IL9R: variants seen among roughly 807,000 people sequenced by gnomAD.
The protein encoded by IL9R is interleukin 9 receptor, also known as interleukin-9 receptor.
In IL9R, 54 loss-of-function variants were observed where a neutral mutation model predicts 56.3. The observed-to-expected ratio is 0.96, with a 90% CI of 0.77 to 1.20. The LOEUF (loss-of-function observed/expected upper bound fraction) is 1.20, where lower values mean the gene tolerates loss of function less well. Among genes scored for constraint, IL9R ranks in the 50% most tolerant of loss-of-function variants. IL9R has a pLI of 0.00. For missense variants in IL9R, 545 were observed against 629.8 expected, an observed-to-expected ratio of 0.87 and a Z score of 1.44; for synonymous variants, 212 against 250.2, an observed-to-expected ratio of 0.85 and a Z score of 1.44.
At position 156,005,285 on chromosome X, in the gene IL9R, A is replaced by C; in HGVS notation, c.587A>C (p.Gln196Pro). 6.2e-7 allele frequency: 1 copy of C among 1,611,998 alleles called. No homozygotes were observed. Among genetic ancestry groups the C allele is most frequent in the Non-Finnish European group, 8.5e-7 (1 of 1,179,816 alleles). ...CTGTCCCCACCCCCACAGCAGGCCC[A>C]GCACAGGGATCACATTGTCGGGGTG... ...KKQEEAWEQA[Q>P]HRDHIVGVTW... The change falls in exon 6 of 9, where the codon CAG becomes CCG. Residue 196 changes from glutamine (Q) to proline (P), a missense_variant. Physicochemically the swap from Gln to Pro is moderately conservative, Grantham distance 76 (BLOSUM62 -1). This residue lies in a region of IL9R where 431 missense variants were observed against 360.0 expected (regional missense o/e 1.20). Coordinates refer to ENST00000244174, the MANE Select transcript of IL9R (RefSeq NM_002186.3).
chrX:156,006,066 G>A lies in IL9R; in HGVS notation c.782-17G>A, dbSNP rs3093511. ...GCACTGAGGCTGCTCACAGCCCTGG[G>A]CCCTTCCTGTCCACAGGCCCTCTGA... On this transcript the variant is annotated splice_polypyrimidine_tract_variant and intron_variant, in intron 6 of 8. Coordinates refer to ENST00000244174, the MANE Select transcript of IL9R (RefSeq NM_002186.3). 13 of 1,529,166 alleles carry A rather than the reference G, an allele frequency of 8.5e-6. No homozygotes were observed. The highest frequency in any genetic ancestry group is 2.7e-5 in the African/African-American group (2 of 72,940). 94.7% of individuals were successfully genotyped at this position (1,529,166 alleles called of 1,614,324 possible).
chrX:156,001,502 G>A (rs1213635351), intron 1 of IL9R: 1 of 1,604,764 alleles, frequency 6.2e-7, no homozygotes, highest in African/African-American at 1.3e-5. Flanking sequence ...CTCCATTCTA[G>A]GAAAGGGTGA....
chrX:156,003,593 G>A (rs764967760), intron 3 of IL9R, 33 bp downstream of exon 3: 2 of 1,608,994 alleles, frequency 1.2e-6, no homozygotes, highest in Non-Finnish European at 1.7e-6. Context: ...ACCTGGACAG[G>A]GATGAGGGTG....
At chrX:156,002,745 C>T in intron 1 of IL9R, 161 bp from the exon 2 acceptor site, 3 of 984,518 alleles carry the variant, frequency 3.0e-6, no homozygotes, top group Non-Finnish European at 4.7e-6. Flanking sequence ...AAAGCCTGGA[C>T]AGTGGTCCAG....
chrX:156,002,857 C>G (rs750636749), intron 1 of IL9R, 49 bp from the exon 2 acceptor site: 2 of 1,612,514 alleles, frequency 1.2e-6, no homozygotes, highest in Non-Finnish European at 1.7e-6. Context: ...GGGAGCACCC[C>G]TCCAGAGAGG....
intron 2 of IL9R, 100 bp from the exon 3 acceptor site, chrX:156,003,349 C>T (rs2067670793): frequency 1.7e-5 from 14 of 837,818 alleles, no homozygotes; most frequent in Non-Finnish European, 2.7e-5. Flanking sequence ...TTACTGGTGA[C>T]TGCCCTGCTA....
intron 1 of IL9R, among the ~76,000 whole-genome samples, chrX:156,002,175 C>G (rs1672383627): frequency 1.4e-5 from 2 of 143,744 alleles, no homozygotes; most frequent in African/African-American, 2.8e-5. Context: ...AACCCCGTCT[C>G]TACTAAAAAT....
intron 2 of IL9R, among the ~76,000 whole-genome samples, chrX:156,003,229 T>G (rs2067663886): frequency 6.6e-6 from 1 of 152,016 alleles, no homozygotes; most frequent in African/African-American, 2.4e-5. Context: ...TAGTCTCCCT[T>G]CCTTCACTCT....
rs1318114146 is a variant in IL9R at position 156,004,231 on chromosome X, G to A, written c.434-189G>A. ...AGAAACCACCTAGTCTAGGTGCAGA[G>A]GCCAGAGGAAGTCATTGCTGTCCTG... On this transcript the variant is annotated intron_variant, in intron 4 of 8. Coordinates refer to ENST00000244174, the MANE Select transcript of IL9R (RefSeq NM_002186.3). The A allele has an allele frequency of 8.0e-6, 5 of 621,366 alleles. No individual in the cohort carries two copies. The East Asian group carries it at 8.2e-5, about 10-fold the overall frequency. The allele number at this position is 621,366 out of a possible 1,614,324, so 38.5% of individuals were successfully genotyped here.
chrX:156,001,605 T>C (rs2067529185), intron 1 of IL9R: 1 of 581,970 alleles, frequency 1.7e-6, no homozygotes. Context: ...GAGTAGTGCC[T>C]GCTGCCCATT....
chrX:156,002,043 G>T (rs1828703352), intron 1 of IL9R, among the ~76,000 whole-genome samples: 1 of 144,912 alleles, frequency 6.9e-6, no homozygotes, highest in East Asian at 2.1e-4. Flanking sequence ...AGGACAAAAG[G>T]GAGAGAGAAT....
rs1204179839 is a variant in IL9R at position 156,005,455 on chromosome X, T to C, written c.757T>C (p.Cys253Arg). The change falls in exon 6 of 9, where the codon TGC (cysteine) becomes CGC (arginine). Residue 253 changes from cysteine (C) to arginine (R), a missense_variant. Physicochemically the swap from Cys to Arg is radical, Grantham distance 180. Transcript: ENST00000244174. Reference protein sequence around the residue: ...GQWSEWSQPVCFQAPQRQGPL... With the variant: ...GQWSEWSQPVRFQAPQRQGPL... The stretch of plus-strand genomic sequence containing the variant: ...GTGGAGTGAGTGGAGCCAGCCTGTG[T>C]GCTTCCAGGCTCCCCAGAGACAAGG... 1 of 1,612,948 alleles carries C rather than the reference T, an allele frequency of 6.2e-7. No homozygotes were observed. The highest frequency in any genetic ancestry group is 1.7e-5 in the Admixed American group (1 of 60,000).
At position 156,003,669 on chromosome X, in the gene IL9R, C is replaced by G; in HGVS notation, c.255-8C>G. On this transcript the variant is annotated splice_polypyrimidine_tract_variant and splice_region_variant and intron_variant, in intron 3 of 8. Transcript: ENST00000244174. Reference sequence around the variant, plus strand: ...CAGCCCCGTGGTGCTGACAAATGCCCTTTCCAGCAACCAGGCTCCTGGCGG... The same window carrying G: ...CAGCCCCGTGGTGCTGACAAATGCCGTTTCCAGCAACCAGGCTCCTGGCGG... 1 of 1,612,554 alleles carries G rather than the reference C, an allele frequency of 6.2e-7. No individual in the cohort carries two copies. The highest frequency in any genetic ancestry group is 8.5e-7 in the Non-Finnish European group (1 of 1,179,218).
At chrX:156,000,145 A>AATATAT (rs1556394101) in intron 1 of IL9R, among the ~76,000 whole-genome samples, 87 of 144,252 alleles carry the variant, frequency 6.0e-4, no homozygotes, top group African/African-American at 1.6e-3. Flanking sequence ...AAAAAAAAAA[A>AATATAT]ATATATATAT....
intron 5 of IL9R, among the ~76,000 whole-genome samples, chrX:156,004,910 C>T (rs1296866657): frequency 6.6e-6 from 1 of 151,996 alleles, no homozygotes; most frequent in Non-Finnish European, 1.5e-5. Context: ...CTGTGCCTTG[C>T]ATTTGTGTGA....
In IL9R at chrX:156,004,537, C is replaced by A. The variant is rs762681741; in HGVS notation, c.551C>A (p.Ala184Asp). The change falls in exon 5 of 9, where the codon GCC becomes GAC. Residue 184 changes from alanine to aspartate, a missense_variant. Ala to Asp is a moderately radical substitution (Grantham distance 126, BLOSUM62 -2). Transcript: ENST00000244174. ...PMTTLLSYEL[A>D]FKKQEEAWEQ... is the part of the protein sequence containing the mutation. Reference sequence around the variant, plus strand: ...ACCACACTTCTCAGCTATGAGCTGGCCTTCAAGAAGCAGGAAGAGGCCTGG... The same window carrying A: ...ACCACACTTCTCAGCTATGAGCTGGACTTCAAGAAGCAGGAAGAGGCCTGG... 4 of 1,613,004 alleles carry A rather than the reference C, an allele frequency of 2.5e-6. No individual in the cohort carries two copies. In the Admixed American group the frequency reaches 5.0e-5, roughly 20 times the overall value.
intron 7 of IL9R, 116 bp downstream of exon 7, chrX:156,006,304 A>G (rs3093517): frequency 0.53 from 318,949 of 606,828 alleles, 83,884 homozygotes; most frequent in African/African-American, 0.78. Flanking sequence ...TGGGTGGGCC[A>G]TCAAGGGCCG....
chrX:156,009,419 TTGTG>T (rs2068333745), intron 8 of IL9R, among the ~76,000 whole-genome samples: 1 of 132,932 alleles, frequency 7.5e-6, no homozygotes, highest in Admixed American at 7.1e-5. Flanking sequence ...GTGTGTGTGT[TTGTG>T]TATGTTTGTG....
In IL9R at chrX:155,997,794, C is replaced by G. The variant is rs767365076; in HGVS notation, c.28+7C>G. ...GGCAGATGCATCTGGGAAGGTGAGTCTGTGCTTTGGGCTTCCCAACCTCTC... is the reference window on the plus strand; with the variant it reads ...GGCAGATGCATCTGGGAAGGTGAGTGTGTGCTTTGGGCTTCCCAACCTCTC... On this transcript the variant is annotated splice_region_variant and intron_variant, in intron 1 of 8. Transcript: ENST00000244174. 25 of 1,612,814 alleles carry G rather than the reference C, an allele frequency of 1.6e-5. No homozygotes were observed. Among genetic ancestry groups the G allele is most frequent in the Non-Finnish European group, 2.1e-5 (25 of 1,179,082 alleles).
Sources: allele counts gnomAD v4.1 joint callset (sites outside exome capture counted in the v4.1 genomes callset), GRCh38; gene constraint gnomAD v4.1.1; regional missense constraint gnomAD v4.1.1; transcripts MANE v1.5; gene names NCBI Gene and HGNC (gene_info 2026-07-23, HGNC 2026-07-21).